Variants in CEP128 observed in about 807,000 individuals in gnomAD.
The protein encoded by CEP128 is centrosomal protein 128.
A neutral mutation model predicts 156.7 loss-of-function variants in CEP128; 132 were observed. The ratio of observed to expected loss-of-function variants is 0.84; its 90% CI spans 0.73 to 0.97. The LOEUF (loss-of-function observed/expected upper bound fraction) is 0.97. Ranked by LOEUF, CEP128 falls within the 50% of genes least tolerant of loss-of-function variation. CEP128 has a pLI of 0.00. For synonymous variants in CEP128, 469 were observed against 448.9 expected, an observed-to-expected ratio of 1.04 and a Z score of -0.57; for missense variants, 1,252 against 1,281.9, an observed-to-expected ratio of 0.98 and a Z score of 0.36.
intron 23 of CEP128, among the ~76,000 whole-genome samples, chr14:80,513,626 C>G (rs1387822469): frequency 2.0e-5 from 3 of 152,096 alleles, no homozygotes; most frequent in African/African-American, 7.2e-5. Flanking sequence ...GAGGAGAAGA[C>G]TAAGCTCTAT....
At chr14:80,921,686 G>A (rs950269464) in intron 2 of CEP128, among the ~76,000 whole-genome samples, 3 of 152,034 alleles carry the variant, frequency 2.0e-5, no homozygotes, top group Non-Finnish European at 4.4e-5. Context: ...CAGTCCGGCC[G>A]GGCGCAGTGG....
At chr14:80,877,150 C>T (rs561816191) in intron 8 of CEP128, among the ~76,000 whole-genome samples, 8 of 151,666 alleles carry the variant, frequency 5.3e-5, no homozygotes, top group Admixed American at 2.0e-4. Flanking sequence ...GTTGTAATCC[C>T]TAGGTTAACA....
At chr14:80,764,110 G>A (rs532812538) in intron 16 of CEP128, among the ~76,000 whole-genome samples, 3 of 152,244 alleles carry the variant, frequency 2.0e-5, no homozygotes, top group Admixed American at 2.0e-4. Context: ...TTATTAATAA[G>A]AAGACAAAAC....
chr14:80,794,241 G>A (rs896798516), intron 13 of CEP128, among the ~76,000 whole-genome samples: 1 of 152,136 alleles, frequency 6.6e-6, no homozygotes, highest in African/African-American at 2.4e-5. Flanking sequence ...GAGGTTCCAG[G>A]TCCAGATTCT....
intron 19 of CEP128, among the ~76,000 whole-genome samples, chr14:80,633,548 A>T (rs971653468): frequency 6.6e-6 from 1 of 152,080 alleles, no homozygotes; most frequent in African/African-American, 2.4e-5. Flanking sequence ...GCCAGGGCCA[A>T]ACTGAAGTTC....
At chr14:80,542,942 CT>C (rs1006423827) in intron 21 of CEP128, among the ~76,000 whole-genome samples, 29 of 152,194 alleles carry the variant, frequency 1.9e-4, no homozygotes, top group African/African-American at 6.7e-4. Context: ...GGGCTATTTT[CT>C]TTTTTAGAGA....
chr14:80,590,192 A>G (rs1259269075), intron 19 of CEP128, among the ~76,000 whole-genome samples: 1 of 152,284 alleles, frequency 6.6e-6, no homozygotes, highest in Non-Finnish European at 1.5e-5. Context: ...AATGGCAAGC[A>G]TGTGTTTACA....
At chr14:80,520,818 C>CTTTATTTA (rs566092628) in intron 23 of CEP128, among the ~76,000 whole-genome samples, 1 of 151,254 alleles carries the variant, frequency 6.6e-6, no homozygotes, top group African/African-American at 2.4e-5. Flanking sequence ...CTTAAAGTGA[C>CTTTATTTA]TTTATTTATT....
At chr14:80,736,034 T>A (rs1898510839) in intron 19 of CEP128, among the ~76,000 whole-genome samples, 1 of 152,158 alleles carries the variant, frequency 6.6e-6, no homozygotes, top group Non-Finnish European at 1.5e-5. Flanking sequence ...CAACCCAGTA[T>A]CCAACCCTGT....
rs528958332 is a variant in CEP128 at position 80,913,979 on chromosome 14, C to T, written c.234+343G>A. 9.9e-5 allele frequency among the ~76,000 whole-genome samples: 15 copies of T among 152,154 alleles called. No homozygotes were observed. In the South Asian group the frequency reaches 2.9e-3, roughly 29 times the overall value. On this transcript the variant is annotated intron_variant, in intron 4 of 24. Coordinates refer to ENST00000555265, the MANE Select transcript of CEP128 (RefSeq NM_152446.5). ...AGGATTTTTTCATTTTTTGTTTTAA[C>T]AATAAACACATATTACTTTAAAATA...
At chr14:80,672,390 A>C (rs1299902878) in intron 19 of CEP128, among the ~76,000 whole-genome samples, 1 of 152,094 alleles carries the variant, frequency 6.6e-6, no homozygotes, top group East Asian at 1.9e-4. Flanking sequence ...TGCTATATTC[A>C]GTATATTAAA....
chr14:80,855,385 T>C (rs1195957101), intron 9 of CEP128, among the ~76,000 whole-genome samples: 26 of 152,170 alleles, frequency 1.7e-4, no homozygotes, highest in Admixed American at 1.3e-3. Context: ...TAAACTTTCA[T>C]TTACTTGTAA....
chr14:80,748,621 G>A (rs1284986521), intron 18 of CEP128, among the ~76,000 whole-genome samples: 1 of 152,148 alleles, frequency 6.6e-6, no homozygotes, highest in Non-Finnish European at 1.5e-5. Flanking sequence ...AGTAGAGAGA[G>A]GAATCAGTAA....
intron 19 of CEP128, among the ~76,000 whole-genome samples, chr14:80,598,000 T>C (rs1376315546): frequency 2.3e-5 from 3 of 132,164 alleles, no homozygotes; most frequent in Non-Finnish European, 3.2e-5. Context: ...TTATGCTAAA[T>C]GGTGAAAGAC....
At chr14:80,656,291 T>TTATATA (rs1159139132) in intron 19 of CEP128, among the ~76,000 whole-genome samples, 10 of 25,702 alleles carry the variant, frequency 3.9e-4, no homozygotes, top group Non-Finnish European at 5.3e-4. Flanking sequence ...ATATATATAT[T>TTATATA]TATATATATA....
intron 19 of CEP128, among the ~76,000 whole-genome samples, chr14:80,638,931 G>T (rs1036262954): frequency 6.6e-6 from 1 of 152,110 alleles, no homozygotes; most frequent in African/African-American, 2.4e-5. Context: ...GTTAAAAAAA[G>T]AAGTCTTTTT....
At chr14:80,873,987 C>G (rs1888154409) in intron 8 of CEP128, among the ~76,000 whole-genome samples, 1 of 152,130 alleles carries the variant, frequency 6.6e-6, no homozygotes, top group Admixed American at 6.5e-5. Context: ...GCCTCCCCAG[C>G]CATGTGGAAC....
At chr14:80,941,492 C>T (rs982131166) in intron 1 of CEP128, 89 bp downstream of exon 1, 4 of 152,720 alleles carry the variant, frequency 2.6e-5, no homozygotes, top group African/African-American at 9.6e-5. Context: ...AGGTCCCCAC[C>T]CCTGGGACGA....
intron 14 of CEP128, among the ~76,000 whole-genome samples, chr14:80,787,565 T>A (rs1010206806): frequency 5.3e-5 from 8 of 152,068 alleles, no homozygotes; most frequent in African/African-American, 1.9e-4. Context: ...GTTCCAGAAA[T>A]TAGTGTGACT....
Sources: allele counts gnomAD v4.1 joint callset (sites outside exome capture counted in the v4.1 genomes callset), GRCh38; gene constraint gnomAD v4.1.1; transcripts MANE v1.5; gene names NCBI Gene and HGNC (gene_info 2026-07-23, HGNC 2026-07-21).